Variants in SLC6A16 observed in about 807,000 individuals in gnomAD.
SLC6A16 encodes the protein solute carrier family 6 member 16.
A neutral mutation model predicts 65.4 loss-of-function variants in SLC6A16; 54 were observed. The ratio of observed to expected loss-of-function variants is 0.83; its 90% CI spans 0.66 to 1.04. SLC6A16 has a LOEUF of 1.04. Among genes scored for constraint, SLC6A16 ranks in the 50% least tolerant of loss-of-function variants. SLC6A16 has a pLI of 0.00. For missense variants in SLC6A16, 816 were observed against 914.0 expected, an observed-to-expected ratio of 0.89 and a Z score of 1.38; for synonymous variants, 330 against 346.5, an observed-to-expected ratio of 0.95 and a Z score of 0.53.
the SLC6A16 span, chr19:49,339,697 G>A: frequency 2.0e-5 from 28 of 1,411,588 alleles, no homozygotes; most frequent in Non-Finnish European, 2.1e-5. The surrounding 1 kb of genome is among the most constrained non-coding windows in gnomAD (Gnocchi z 4.5). Flanking sequence ...ACAGCGCAGG[G>A]CACTCCGCCG....
At chr19:49,318,977 T>C (rs1970662012) in intron 1 of SLC6A16, among the ~76,000 whole-genome samples, 1 of 148,372 alleles carries the variant, frequency 6.7e-6, no homozygotes, top group Non-Finnish European at 1.5e-5. Context: ...CCTCCCAAAG[T>C]GCTGGGATTA....
At position 49,290,083 on chromosome 19, in the gene SLC6A16, T is replaced by C. The variant is rs777394056; in HGVS notation, c.*40A>G. 6.3e-6 allele frequency: 10 copies of C among 1,580,868 alleles called. No individual in the cohort carries two copies. Among genetic ancestry groups the C allele is most frequent in the Middle Eastern group, 2.0e-4 (1 of 5,028 alleles). On this transcript the variant is annotated 3_prime_UTR_variant, in exon 12 of 12. Transcript: ENST00000335875. Reference sequence around the variant, plus strand: ...GATATTAAGAGTTGTCTATTGGATCTGTTCTAAGGGATATGTTATGTGAAG... The same window carrying C: ...GATATTAAGAGTTGTCTATTGGATCCGTTCTAAGGGATATGTTATGTGAAG...
upstream of SLC6A16, chr19:49,325,348 C>T: frequency 1.7e-6 from 1 of 600,898 alleles, no homozygotes; most frequent in Non-Finnish European, 2.1e-6. Flanking sequence ...CCTCTGACTG[C>T]TCACGCGCCA....
upstream of SLC6A16, chr19:49,325,258 T>A: frequency 6.1e-6 from 6 of 985,298 alleles, no homozygotes; most frequent in Non-Finnish European, 7.2e-6. Flanking sequence ...ACTCTTTCCC[T>A]ACAGCTGTAG....
the SLC6A16 span, chr19:49,336,979 C>G: frequency 6.2e-7 from 1 of 1,614,074 alleles, no homozygotes; most frequent in African/African-American, 1.3e-5. Context: ...CCATGGGCAT[C>G]GCCCTCCTGG....
rs756146239 is a variant in SLC6A16, at chr19:49,309,732, G to A, written c.795C>T (p.Val265=). 4.6e-5 allele frequency: 74 copies of A among 1,613,970 alleles called. No individual in the cohort carries two copies. The highest frequency in any genetic ancestry group is 6.0e-5 in the Non-Finnish European group (71 of 1,179,974). The stretch of plus-strand genomic sequence containing the variant: ...GAAAGAAGGGCAGGACCAGACTGTA[G>A]ACTGGTGACCCGCCATCCTCGATTC... ...SDRIEDGGSP[V]YSLVLPFFLC... Residue 265 remains valine, a synonymous_variant, in exon 5 of 12, where the codon GTC becomes GTT. Transcript: ENST00000335875.
chr19:49,335,580 T>G, the SLC6A16 span: 3 of 1,614,038 alleles, frequency 1.9e-6, no homozygotes, highest in Non-Finnish European at 2.5e-6. This position sits in a 1 kb window ranked among gnomAD's most constrained non-coding sequence, Gnocchi z 4.6. Flanking sequence ...CATCAAGTAC[T>G]TCCTCTTCGT....
At chr19:49,339,418 T>C in the SLC6A16 span, 3 of 1,612,996 alleles carry the variant, frequency 1.9e-6, no homozygotes, top group Non-Finnish European at 2.5e-6. The surrounding 1 kb of genome is among the most constrained non-coding windows in gnomAD (Gnocchi z 4.5). Flanking sequence ...CTCGAGGTGA[T>C]CTGGCCCCGC....
intron 1 of SLC6A16, among the ~76,000 whole-genome samples, chr19:49,320,394 C>T (rs1246769945): frequency 6.8e-6 from 1 of 146,126 alleles, no homozygotes; most frequent in African/African-American, 2.6e-5. Flanking sequence ...GGCAACAGAG[C>T]AAGACTCCCT....
intron 7 of SLC6A16, among the ~76,000 whole-genome samples, chr19:49,302,200 G>T (rs1970304188): frequency 6.6e-6 from 1 of 152,162 alleles, no homozygotes; most frequent in African/African-American, 2.4e-5. Context: ...CCATGCTTGT[G>T]CCTACAGCCA....
chr19:49,306,831 C>T (rs148544024), intron 7 of SLC6A16, among the ~76,000 whole-genome samples: 5 of 151,930 alleles, frequency 3.3e-5, no homozygotes, highest in East Asian at 1.9e-4. Flanking sequence ...CATGAGCCAC[C>T]GCACCCGGCT....
chr19:49,327,602 A>G (rs1970811871), upstream of SLC6A16, among the ~76,000 whole-genome samples: 1 of 152,218 alleles, frequency 6.6e-6, no homozygotes, highest in Non-Finnish European at 1.5e-5. Context: ...ACACTGTCCT[A>G]GACCCCTGGG....
the SLC6A16 span, among the ~76,000 whole-genome samples, chr19:49,337,430 C>A: frequency 2.6e-5 from 4 of 152,006 alleles, no homozygotes; most frequent in Non-Finnish European, 4.4e-5. Flanking sequence ...AGTTTGAGAC[C>A]AGCCTGGGCA....
At chr19:49,293,704 C>T (rs1043890650) in intron 9 of SLC6A16, 123 bp downstream of exon 9, 4 of 839,118 alleles carry the variant, frequency 4.8e-6, no homozygotes, top group Admixed American at 2.2e-5. Context: ...GCAGAAGTTG[C>T]AGTAAGCCGA....
At chr19:49,338,160 G>A in the SLC6A16 span, 3 of 1,457,312 alleles carry the variant, frequency 2.1e-6, no homozygotes, top group South Asian at 1.4e-5. This position sits in a 1 kb window ranked among gnomAD's most constrained non-coding sequence, Gnocchi z 5.0. Flanking sequence ...TCCCAGGCCC[G>A]ACGCTCCCCA....
chr19:49,297,466 A>T (rs760962257), intron 7 of SLC6A16, among the ~76,000 whole-genome samples: 9 of 152,226 alleles, frequency 5.9e-5, no homozygotes, highest in Non-Finnish European at 1.3e-4. Flanking sequence ...GAACTCTCAT[A>T]CCATACTAGT....
At chr19:49,338,976 G>A in the SLC6A16 span, 13 of 1,488,806 alleles carry the variant, frequency 8.7e-6, no homozygotes, top group Admixed American at 6.7e-5. The surrounding 1 kb of genome is among the most constrained non-coding windows in gnomAD (Gnocchi z 5.0). Flanking sequence ...CGAATGGGGC[G>A]GGGCCTGCGG....
intron 7 of SLC6A16, among the ~76,000 whole-genome samples, chr19:49,300,143 A>G (rs1238087000): frequency 6.6e-6 from 1 of 152,200 alleles, no homozygotes; most frequent in Non-Finnish European, 1.5e-5. Flanking sequence ...AACATTAACT[A>G]TATAATAAAA....
the SLC6A16 span, chr19:49,337,702 AAG>A: frequency 6.5e-7 from 1 of 1,532,904 alleles, no homozygotes; most frequent in East Asian, 2.5e-5. Context: ...AAGAGAGAAC[AAG>A]AGAAAGAAAT....
Sources: gnomAD v4.1 joint callset for allele counts (sites outside exome capture counted in the v4.1 genomes callset) on GRCh38, gnomAD v4.1.1 for gene constraint, Gnocchi (gnomAD v3.1) non-coding constraint, MANE v1.5 for transcripts, NCBI Gene and HGNC (gene_info 2026-07-23, HGNC 2026-07-21) for gene names.